The following RUNDC3B variants were observed in gnomAD, a reference collection of about 807,000 sequenced individuals.
The protein encoded by RUNDC3B is RUN domain-containing protein 3B.
In RUNDC3B, 33 loss-of-function variants were observed where a neutral mutation model predicts 58.4. The observed-to-expected ratio is 0.56, with a 90% confidence interval of 0.43 to 0.75. RUNDC3B has a LOEUF of 0.75. Among genes scored for constraint, RUNDC3B ranks in the 30% least tolerant of loss-of-function variants. The pLI is 0.00. For synonymous variants in RUNDC3B, 193 were observed against 195.2 expected, an observed-to-expected ratio of 0.99 and a Z score of 0.10; for missense variants, 501 against 535.7, an observed-to-expected ratio of 0.94 and a Z score of 0.64.
In RUNDC3B at chr7:87,655,339, A is replaced by G. The variant is rs116203241; in HGVS notation, c.238+4402A>G. Among the ~76,000 whole-genome samples, 438 of 152,216 alleles carry G rather than the reference A, an allele frequency of 2.9e-3. 1 individual carries two copies. Among genetic ancestry groups the G allele is most frequent in the African/African-American group, 0.01 (419 of 41,536 alleles). ...CAACCTAATTGTCCATCTACTGATG[A>G]GTCGATAAAAAAAAAGTTGCGTATA... On this transcript the variant is annotated intron_variant, in intron 2 of 10. Transcript: ENST00000394654.
At chr7:87,764,587 A>C in intron 6 of RUNDC3B, among the ~76,000 whole-genome samples, 1 of 151,700 alleles carries the variant, frequency 6.6e-6, no homozygotes, top group East Asian at 1.9e-4. Context: ...TAGAGTCCCT[A>C]GTGTTTATTA....
intron 6 of RUNDC3B, among the ~76,000 whole-genome samples, chr7:87,756,440 T>C (rs367618216): frequency 2.6e-5 from 4 of 152,180 alleles, no homozygotes; most frequent in East Asian, 1.9e-4. Flanking sequence ...TTTTTTACCT[T>C]ACTAATATTT....
intron 8 of RUNDC3B, among the ~76,000 whole-genome samples, chr7:87,784,576 T>C (rs1308387488): frequency 4.6e-5 from 7 of 152,018 alleles, no homozygotes; most frequent in Non-Finnish European, 1.0e-4. Flanking sequence ...TGTTTGGTGG[T>C]GTAATTCAGG....
At chr7:87,630,549 A>G (rs1048655594) in intron 1 of RUNDC3B, among the ~76,000 whole-genome samples, 1 of 152,196 alleles carries the variant, frequency 6.6e-6, no homozygotes, top group Non-Finnish European at 1.5e-5. Flanking sequence ...CATAATATAC[A>G]GACATCAAAA....
intron 6 of RUNDC3B, among the ~76,000 whole-genome samples, chr7:87,768,990 T>G (rs1182192296): frequency 6.6e-6 from 1 of 152,100 alleles, no homozygotes; most frequent in East Asian, 1.9e-4. Context: ...GATCACTCAT[T>G]ATTGTCCAAC....
chr7:87,733,622 C>T (rs530627666), intron 4 of RUNDC3B, among the ~76,000 whole-genome samples: 27 of 152,308 alleles, frequency 1.8e-4, no homozygotes, highest in African/African-American at 3.4e-4. Context: ...AGTGTTTCCA[C>T]GGACCGTGGT....
chr7:87,721,082 C>T (rs1216764114), intron 4 of RUNDC3B, among the ~76,000 whole-genome samples: 1 of 150,526 alleles, frequency 6.6e-6, no homozygotes, highest in African/African-American at 2.4e-5. Context: ...TATGCAGACA[C>T]AGAGTACTAT....
intron 8 of RUNDC3B, among the ~76,000 whole-genome samples, chr7:87,785,561 G>T (rs917948788): frequency 6.6e-6 from 1 of 152,300 alleles, no homozygotes; most frequent in South Asian, 2.1e-4. Context: ...ACTCAGGCGG[G>T]GCAGTGCAGG....
intron 6 of RUNDC3B, among the ~76,000 whole-genome samples, chr7:87,755,014 G>T (rs1409120324): frequency 6.8e-6 from 1 of 147,266 alleles, no homozygotes; most frequent in African/African-American, 2.5e-5. Flanking sequence ...ACAAGGAATA[G>T]CTGATACAAT....
chr7:87,766,857 C>T (rs1001358866), intron 6 of RUNDC3B, among the ~76,000 whole-genome samples: 4 of 152,020 alleles, frequency 2.6e-5, no homozygotes, highest in Non-Finnish European at 5.9e-5. Flanking sequence ...TTTACTTTTT[C>T]ATCTTCTCTC....
intron 4 of RUNDC3B, among the ~76,000 whole-genome samples, chr7:87,728,235 A>C (rs1292956679): frequency 6.6e-6 from 1 of 152,128 alleles, no homozygotes; most frequent in Admixed American, 6.6e-5. Flanking sequence ...GATTTATACA[A>C]ATCTCTTCTC....
At position 87,628,667 on chromosome 7, in the gene RUNDC3B, A is replaced by T. The variant is rs927620536; in HGVS notation, c.-157A>T. On this transcript the variant is annotated 5_prime_UTR_variant, in exon 1 of 11. Transcript: ENST00000394654. ...GGCGAGCCGTCAGTCCCCGGGTGCG[A>T]GTCCCTGCTGTCTTCCACACCCTTC... is the stretch of plus-strand genomic sequence containing the variant. 2.4e-6 allele frequency: 1 copy of T among 415,550 alleles called. No individual in the cohort carries two copies. Among genetic ancestry groups the T allele is most frequent in the African/African-American group, 2.1e-5 (1 of 48,358 alleles). 25.7% of individuals were successfully genotyped at this position (415,550 alleles called of 1,614,324 possible). A position where few individuals can be genotyped will look rare whatever the true frequency, so the allele number is the denominator to read the frequency against.
At chr7:87,779,691 C>T (rs572501975) in intron 8 of RUNDC3B, among the ~76,000 whole-genome samples, 37 of 152,188 alleles carry the variant, frequency 2.4e-4, no homozygotes, top group Middle Eastern at 3.4e-3. Flanking sequence ...GGATATGTTA[C>T]ATGATGCTGA....
At chr7:87,822,025 G>A (rs947117411) in intron 10 of RUNDC3B, among the ~76,000 whole-genome samples, 31 of 151,660 alleles carry the variant, frequency 2.0e-4, no homozygotes, top group Non-Finnish European at 4.1e-4. Context: ...GGCAACAAAA[G>A]CCAAAATTGA....
At chr7:87,753,170 G>A (rs1171453282) in intron 6 of RUNDC3B, among the ~76,000 whole-genome samples, 4 of 150,564 alleles carry the variant, frequency 2.7e-5, no homozygotes. Flanking sequence ...CAGTTTCCAT[G>A]TAGTTGAGCG....
At chr7:87,812,440 C>T (rs1836774915) in intron 9 of RUNDC3B, among the ~76,000 whole-genome samples, 1 of 152,080 alleles carries the variant, frequency 6.6e-6, no homozygotes. Flanking sequence ...GAAACCGCAT[C>T]TCCACTAAAA....
chr7:87,671,778 G>GACACTCTGAAA (rs1825846998), intron 2 of RUNDC3B, among the ~76,000 whole-genome samples: 1 of 152,186 alleles, frequency 6.6e-6, no homozygotes, highest in Admixed American at 6.5e-5. Context: ...GTCCACTTCA[G>GACACTCTGAAA]CCCCCGGTTG....
chr7:87,764,239 A>G (rs1413717332), intron 6 of RUNDC3B, among the ~76,000 whole-genome samples: 2 of 151,826 alleles, frequency 1.3e-5, no homozygotes, highest in African/African-American at 4.8e-5. Flanking sequence ...CATGTGTAAG[A>G]CTTGCTCCTT....
intron 10 of RUNDC3B, among the ~76,000 whole-genome samples, chr7:87,820,383 G>T (rs1337362523): frequency 2.0e-5 from 3 of 152,180 alleles, no homozygotes; most frequent in Non-Finnish European, 4.4e-5. Flanking sequence ...ATCTGAAATT[G>T]TGACAATAAT....
Sources: allele counts gnomAD v4.1 joint callset (sites outside exome capture counted in the v4.1 genomes callset), GRCh38; gene constraint gnomAD v4.1.1; transcripts MANE v1.5; gene names NCBI Gene and HGNC (gene_info 2026-07-23, HGNC 2026-07-21).